The following PTPRR variants were observed in gnomAD, a reference collection of about 807,000 sequenced individuals.
PTPRR encodes protein tyrosine phosphatase receptor type R, also known as receptor-type tyrosine-protein phosphatase R.
PTPRR carries 38 observed loss-of-function variants against 77.2 expected under a neutral mutation model. The observed-to-expected ratio is 0.49, with a 90% CI of 0.38 to 0.65. The LOEUF is 0.65. PTPRR is among the 30% of genes least tolerant of loss of function. The probability of loss-of-function intolerance (pLI) is 0.00; values close to 1 mark genes in which losing one functional copy is unlikely to be tolerated. For synonymous variants in PTPRR, 299 were observed against 283.1 expected (o/e 1.06, Z -0.57); for missense variants, 744 against 799.2 (o/e 0.93, Z 0.83).
intron 10 of PTPRR, among the ~76,000 whole-genome samples, chr12:70,671,320 T>TA (rs1198708749): frequency 1.1e-4 from 17 of 151,970 alleles, no homozygotes; most frequent in Admixed American, 2.0e-4. Context: ...TAATGAATAA[T>TA]AAAAAATAAC....
At chr12:70,696,226 C>T (rs1175645043) in intron 8 of PTPRR, among the ~76,000 whole-genome samples, 4 of 151,614 alleles carry the variant, frequency 2.6e-5, no homozygotes, top group African/African-American at 7.3e-5. Flanking sequence ...TTACTCAGTC[C>T]TCTCTGAACT....
intron 2 of PTPRR, among the ~76,000 whole-genome samples, chr12:70,808,282 G>A (rs1891747282): frequency 6.6e-6 from 1 of 152,064 alleles, no homozygotes; most frequent in South Asian, 2.1e-4. Context: ...GTGCACAGTG[G>A]GACATGGAAG....
intron 2 of PTPRR, among the ~76,000 whole-genome samples, chr12:70,822,713 G>T (rs1214013097): frequency 1.3e-5 from 2 of 152,234 alleles, no homozygotes; most frequent in Admixed American, 6.5e-5. Flanking sequence ...CAATATCAAG[G>T]CAGGGTTGCC....
chr12:70,711,492 G>A (rs12810786), intron 6 of PTPRR, among the ~76,000 whole-genome samples: 10,348 of 151,930 alleles, frequency 0.068, 471 homozygotes, highest in South Asian at 0.12. Context: ...ATATTTAGGG[G>A]TAGTAGGATA....
chr12:70,847,440 T>C (rs958597365), intron 2 of PTPRR, among the ~76,000 whole-genome samples: 1 of 152,162 alleles, frequency 6.6e-6, no homozygotes, highest in Non-Finnish European at 1.5e-5. Context: ...AGATGACTGA[T>C]AATATTTTTT....
At chr12:70,753,432 G>T (rs963254643) in intron 5 of PTPRR, among the ~76,000 whole-genome samples, 1 of 152,098 alleles carries the variant, frequency 6.6e-6, no homozygotes, top group Non-Finnish European at 1.5e-5. Context: ...AAACCTATTT[G>T]TAAACTCTAA....
intron 2 of PTPRR, among the ~76,000 whole-genome samples, chr12:70,770,375 A>G (rs1461733219): frequency 5.3e-5 from 8 of 152,206 alleles, no homozygotes; most frequent in African/African-American, 1.9e-4. Context: ...TTCTCGAAAG[A>G]AGACATTTAT....
chr12:70,712,339 C>A (rs1399909118), intron 6 of PTPRR, among the ~76,000 whole-genome samples: 2 of 151,582 alleles, frequency 1.3e-5, no homozygotes, highest in Non-Finnish European at 1.5e-5. Context: ...TGGATGAATG[C>A]CTAAATATAA....
chr12:70,742,329 C>A (rs1438205424), intron 6 of PTPRR, among the ~76,000 whole-genome samples: 1 of 152,172 alleles, frequency 6.6e-6, no homozygotes, highest in East Asian at 1.9e-4. Flanking sequence ...AATAAAATTG[C>A]ATTTCTTGTT....
intron 2 of PTPRR, among the ~76,000 whole-genome samples, chr12:70,847,868 G>A (rs775179617): frequency 1.3e-5 from 2 of 152,144 alleles, no homozygotes; most frequent in Non-Finnish European, 2.9e-5. Context: ...GTAAAGAACA[G>A]CTTAAAAATA....
chr12:70,704,455 A>G (rs1342253522), intron 6 of PTPRR, among the ~76,000 whole-genome samples: 1 of 150,586 alleles, frequency 6.6e-6, no homozygotes, highest in African/African-American at 2.4e-5. Context: ...ATAAATAACG[A>G]AAAAAAAAGC....
intron 4 of PTPRR, 135 bp from the exon 5 acceptor site, chr12:70,754,436 GCTGCTTCTCAAA>G (rs1890505964): frequency 1.3e-6 from 2 of 1,565,594 alleles, no homozygotes; most frequent in East Asian, 4.5e-5. Flanking sequence ...CGCTGCCAGA[GCTGCTTCTCAAA>G]CTGATCTAAG....
In PTPRR at chr12:70,734,782, G is replaced by A. The variant is rs182219763; in HGVS notation, c.1007+11036C>T. 9.3e-4 allele frequency among the ~76,000 whole-genome samples: 142 copies of A among 152,294 alleles called. 1 individual carries two copies. The highest frequency in any genetic ancestry group is 3.3e-3 in the African/African-American group (138 of 41,564). ...AAACATTTCAGGGTCTGCTTGGAGA[G>A]AAATTATGCCAGGCCTGTGCTTTCC... On this transcript the variant is annotated intron_variant, in intron 6 of 13. Transcript: ENST00000283228.
chr12:70,797,230 G>GC (rs757173630), intron 2 of PTPRR, among the ~76,000 whole-genome samples: 23 of 152,180 alleles, frequency 1.5e-4, no homozygotes, highest in African/African-American at 4.6e-4. Flanking sequence ...GGAATGTTGG[G>GC]CATACAGTAG....
chr12:70,782,291 A>G (rs1048352158), intron 2 of PTPRR, among the ~76,000 whole-genome samples: 1 of 152,106 alleles, frequency 6.6e-6, no homozygotes, highest in African/African-American at 2.4e-5. Flanking sequence ...CGATTCCTCA[A>G]GGATCTAGAA....
At chr12:70,796,885 G>A (rs1891524968) in intron 2 of PTPRR, among the ~76,000 whole-genome samples, 1 of 152,116 alleles carries the variant, frequency 6.6e-6, no homozygotes, top group African/African-American at 2.4e-5. Context: ...GGGCATGGTG[G>A]CGTGCACCTG....
intron 9 of PTPRR, among the ~76,000 whole-genome samples, chr12:70,684,490 T>C (rs1233302616): frequency 6.6e-6 from 1 of 152,148 alleles, no homozygotes; most frequent in African/African-American, 2.4e-5. Flanking sequence ...AGTACCCATA[T>C]AGAGCACTGT....
At chr12:70,651,528 T>C (rs2136654979) in intron 13 of PTPRR, among the ~76,000 whole-genome samples, 1 of 152,300 alleles carries the variant, frequency 6.6e-6, no homozygotes, top group South Asian at 2.1e-4. Flanking sequence ...GCCGACAACG[T>C]CACTCCAACT....
At chr12:70,711,776 G>T (rs1404587580) in intron 6 of PTPRR, among the ~76,000 whole-genome samples, 1 of 152,084 alleles carries the variant, frequency 6.6e-6, no homozygotes, top group East Asian at 1.9e-4. Flanking sequence ...CTATCTGAAA[G>T]ATTCTAGATT....
Sources: gnomAD v4.1 joint callset for allele counts (sites outside exome capture counted in the v4.1 genomes callset) on GRCh38, gnomAD v4.1.1 for gene constraint, MANE v1.5 for transcripts, NCBI Gene and HGNC (gene_info 2026-07-23, HGNC 2026-07-21) for gene names.